The following ISM1 variants were observed in gnomAD, a reference collection of about 807,000 sequenced individuals.
ISM1 encodes isthmin 1.
Under a neutral mutation model 46.3 loss-of-function variants are expected in ISM1, and 25 were observed. The observed-to-expected ratio is 0.54, with a 90% confidence interval of 0.39 to 0.75. ISM1 has a LOEUF of 0.75. ISM1 is among the 30% of genes least tolerant of loss of function. The pLI is 0.00. For missense variants in ISM1, 536 were observed against 625.4 expected (o/e 0.86, Z 1.52); for synonymous variants, 255 against 256.7 (o/e 0.99, Z 0.06).
At position 13,276,312 on chromosome 20, in the gene ISM1, C is replaced by T. The variant is rs146871638; in HGVS notation, c.379-3322C>T. On this transcript the variant is annotated intron_variant, in intron 2 of 5. Coordinates refer to ENST00000262487, the MANE Select transcript of ISM1 (RefSeq NM_080826.2). ...CTCAGTGGCGTTGGTTTATTATCAC[C>T]TAGACTGAGAATGGTGTGGGTTTCC... Among the ~76,000 whole-genome samples the T allele has an allele frequency of 5.0e-3, 754 of 152,272 alleles. 6 individuals carry two copies. Among genetic ancestry groups the T allele is most frequent in the Non-Finnish European group, 8.1e-3 (552 of 68,020 alleles).
At chr20:13,300,986 G>A (rs1378779395), downstream of ISM1, among the ~76,000 whole-genome samples, 1 of 152,208 alleles carries the variant, frequency 6.6e-6, no homozygotes, top group Non-Finnish European at 1.5e-5. Context: ...TACTCATCAT[G>A]AAAAGTATTC....
the ISM1 span, among the ~76,000 whole-genome samples, chr20:13,310,025 C>A: frequency 6.6e-6 from 1 of 152,242 alleles, no homozygotes; most frequent in East Asian, 1.9e-4. Context: ...CCAAAGCAAT[C>A]TACAAATTCG....
At chr20:13,276,877 A>G (rs11697966) in intron 2 of ISM1, among the ~76,000 whole-genome samples, 8,253 of 152,292 alleles carry the variant, frequency 0.054, 270 homozygotes, top group Admixed American at 0.087. Flanking sequence ...CAGGCTCAAG[A>G]TTAGATTTCT....
chr20:13,305,286 A>T (rs1479285817), downstream of ISM1, among the ~76,000 whole-genome samples: 1 of 151,972 alleles, frequency 6.6e-6, no homozygotes, highest in Non-Finnish European at 1.5e-5. Context: ...TAACATTTTT[A>T]AGTACTTTTC....
chr20:13,233,030 A>G (rs1174764103), intron 1 of ISM1, among the ~76,000 whole-genome samples: 2 of 152,058 alleles, frequency 1.3e-5, no homozygotes, highest in Non-Finnish European at 2.9e-5. Flanking sequence ...GGACCAAAAA[A>G]AAAAAAGAAA....
At chr20:13,245,220 C>G (rs2039779355) in intron 1 of ISM1, 1 of 152,180 alleles carries the variant, frequency 6.6e-6, no homozygotes, top group Admixed American at 6.5e-5. Flanking sequence ...TTCCATGGGT[C>G]CGGAATTCAG....
intron 1 of ISM1, among the ~76,000 whole-genome samples, chr20:13,259,195 C>T (rs770449313): frequency 6.6e-6 from 1 of 151,716 alleles, no homozygotes; most frequent in Admixed American, 6.6e-5. Context: ...GCAGGAGAAT[C>T]GCTTGAACCC....
intron 2 of ISM1, among the ~76,000 whole-genome samples, chr20:13,276,395 AT>A (rs1568682655): frequency 1.3e-5 from 2 of 151,902 alleles, no homozygotes; most frequent in South Asian, 2.1e-4. Flanking sequence ...CAATGTATTA[AT>A]TTTCAAGAGA....
chr20:13,303,392 G>A (rs963422312), downstream of ISM1, among the ~76,000 whole-genome samples: 4 of 152,236 alleles, frequency 2.6e-5, no homozygotes, highest in Non-Finnish European at 5.9e-5. Context: ...CCTTGCTCAG[G>A]TTGGGTAAGT....
At chr20:13,290,225 C>G (rs1268865273) in intron 4 of ISM1, among the ~76,000 whole-genome samples, 1 of 151,460 alleles carries the variant, frequency 6.6e-6, no homozygotes, top group African/African-American at 2.4e-5. Flanking sequence ...TGGGTGGAAT[C>G]TGGATGTGTA....
At chr20:13,250,355 G>T (rs566652188) in intron 1 of ISM1, among the ~76,000 whole-genome samples, 1 of 152,198 alleles carries the variant, frequency 6.6e-6, no homozygotes, top group African/African-American at 2.4e-5. Flanking sequence ...GCTCAGAGTC[G>T]ATTCAGCTTG....
chr20:13,250,196 C>G (rs751437851), intron 1 of ISM1, among the ~76,000 whole-genome samples: 11 of 152,122 alleles, frequency 7.2e-5, no homozygotes, highest in Non-Finnish European at 1.3e-4. Context: ...CTTAGGATTT[C>G]TGGGATGGCC....
chr20:13,250,134 G>T (rs570703187), intron 1 of ISM1, among the ~76,000 whole-genome samples: 1 of 152,302 alleles, frequency 6.6e-6, no homozygotes, highest in South Asian at 2.1e-4. Context: ...CTGGTAGTCT[G>T]CTCCCAGGGT....
At chr20:13,246,439 G>T (rs2039795588) in intron 1 of ISM1, among the ~76,000 whole-genome samples, 1 of 152,168 alleles carries the variant, frequency 6.6e-6, no homozygotes, top group African/African-American at 2.4e-5. Flanking sequence ...CCAGGACAGA[G>T]GAAGGGCCAT....
intron 1 of ISM1, among the ~76,000 whole-genome samples, chr20:13,249,514 C>A (rs2039840963): frequency 6.6e-6 from 1 of 152,180 alleles, no homozygotes; most frequent in East Asian, 1.9e-4. Flanking sequence ...TGTTTTGGCC[C>A]AAAGGAAACA....
Position 13,299,126 on chromosome 20 carries a change from C to G in ISM1, c.1062C>G (p.Pro354=). The G allele has an allele frequency of 1.2e-6, 2 of 1,613,094 alleles. No individual in the cohort carries two copies. Among genetic ancestry groups the G allele is most frequent in the Non-Finnish European group, 1.7e-6 (2 of 1,179,646 alleles). The change falls in exon 6 of 6, where the codon CCC becomes CCG. Residue 354 remains proline, a synonymous_variant. Transcript: ENST00000262487. This position sits in a 1 kb window ranked among gnomAD's most constrained non-coding sequence, Gnocchi z 5.8. The part of the protein sequence containing the change: ...KDFRWKDASG[P]KEKLEIYKPT... ...TCCGCTGGAAGGACGCCAGCGGGCCCAAGGAGAAGCTGGAGATCTACAAGC... is the reference window on the plus strand; with the variant it reads ...TCCGCTGGAAGGACGCCAGCGGGCCGAAGGAGAAGCTGGAGATCTACAAGC...
chr20:13,303,626 G>T (rs1414264617), downstream of ISM1, among the ~76,000 whole-genome samples: 1 of 152,232 alleles, frequency 6.6e-6, no homozygotes, highest in Non-Finnish European at 1.5e-5. Context: ...TGAGGGTTCA[G>T]TGGGCCTGGA....
At chr20:13,257,156 A>G (rs954419445) in intron 1 of ISM1, among the ~76,000 whole-genome samples, 1 of 152,222 alleles carries the variant, frequency 6.6e-6, no homozygotes, top group African/African-American at 2.4e-5. Context: ...TTCAAACACT[A>G]TATTTTCCTG....
At chr20:13,254,048 T>A (rs1175773485) in intron 1 of ISM1, among the ~76,000 whole-genome samples, 3 of 119,562 alleles carry the variant, frequency 2.5e-5, no homozygotes, top group African/African-American at 1.0e-4. Flanking sequence ...CAAAACCCCA[T>A]CATCTCTACT....
Sources: allele counts gnomAD v4.1 joint callset (sites outside exome capture counted in the v4.1 genomes callset), GRCh38; gene constraint gnomAD v4.1.1; non-coding constraint Gnocchi (gnomAD v3.1); transcripts MANE v1.5; gene names NCBI Gene and HGNC (gene_info 2026-07-23, HGNC 2026-07-21).